CTNNA3: variants seen among roughly 807,000 people sequenced by gnomAD.
CTNNA3 encodes catenin alpha 3, also known as catenin alpha-3.
CTNNA3 carries 76 observed loss-of-function variants against 95.7 expected under a neutral mutation model. The ratio of observed to expected loss-of-function variants is 0.79; its 90% CI spans 0.66 to 0.96. The LOEUF is 0.96. Ranked by LOEUF, CTNNA3 falls within the 40% of genes least tolerant of loss-of-function variation. The pLI, the probability that CTNNA3 is intolerant of heterozygous loss-of-function variation, is 0.00. For missense variants in CTNNA3, 1,191 were observed against 1,089.8 expected, an observed-to-expected ratio of 1.09 and a Z score of -1.31; for synonymous variants, 431 against 374.4, an observed-to-expected ratio of 1.15 and a Z score of -1.74.
At chr10:67,407,343 G>T (rs1258371035) in intron 5 of CTNNA3, among the ~76,000 whole-genome samples, 2 of 152,016 alleles carry the variant, frequency 1.3e-5, no homozygotes, top group Admixed American at 1.3e-4. Context: ...ACAGATGCAG[G>T]AAAGGCCTTT....
intron 11 of CTNNA3, among the ~76,000 whole-genome samples, chr10:66,508,211 T>TTTTTTTTTTTTTTTTTTTTG (rs1491247894): frequency 2.2e-5 from 2 of 91,176 alleles, no homozygotes; most frequent in Non-Finnish European, 4.1e-5. Context: ...TTGTTTTCTG[T>TTTTTTTTTTTTTTTTTTTTG]TTTTTTTTTT....
chr10:66,824,044 C>CT (rs1277110896), intron 7 of CTNNA3, among the ~76,000 whole-genome samples: 5 of 41,828 alleles, frequency 1.2e-4, no homozygotes, highest in African/African-American at 7.5e-4. Context: ...ATATGCCATA[C>CT]TCTTTTTTTT....
intron 5 of CTNNA3, among the ~76,000 whole-genome samples, chr10:67,297,482 A>G (rs758643924): frequency 5.9e-5 from 9 of 152,216 alleles, no homozygotes; most frequent in Non-Finnish European, 8.8e-5. Flanking sequence ...TCCTCCCTGC[A>G]TAGGTTACAC....
intron 13 of CTNNA3, among the ~76,000 whole-genome samples, chr10:66,225,420 T>TATATGA (rs1292280868): frequency 7.2e-6 from 1 of 138,892 alleles, no homozygotes; most frequent in African/African-American, 2.6e-5. Flanking sequence ...TATATATATA[T>TATATGA]ATGAATGAAT....
intron 10 of CTNNA3, among the ~76,000 whole-genome samples, chr10:66,593,025 A>C (rs1843603231): frequency 6.6e-6 from 1 of 152,206 alleles, no homozygotes; most frequent in Non-Finnish European, 1.5e-5. Flanking sequence ...GAATCATGCC[A>C]CTAAGAAATT....
intron 7 of CTNNA3, among the ~76,000 whole-genome samples, chr10:66,910,311 A>G (rs1846167525): frequency 1.3e-5 from 2 of 152,196 alleles, no homozygotes; most frequent in Non-Finnish European, 2.9e-5. Flanking sequence ...TTTAAGCCAG[A>G]TGGTAAATAA....
At chr10:67,610,299 G>A (rs1843416812) in intron 2 of CTNNA3, among the ~76,000 whole-genome samples, 1 of 152,164 alleles carries the variant, frequency 6.6e-6, no homozygotes, top group Non-Finnish European at 1.5e-5. Flanking sequence ...AATGTGAAAA[G>A]AACTTTGTAT....
intron 5 of CTNNA3, among the ~76,000 whole-genome samples, chr10:67,339,194 C>T (rs1273082854): frequency 6.6e-6 from 1 of 152,126 alleles, no homozygotes; most frequent in Non-Finnish European, 1.5e-5. Context: ...TAAATTCTAT[C>T]CCTGAGCAAA....
intron 11 of CTNNA3, among the ~76,000 whole-genome samples, chr10:66,418,641 A>C (rs2093166163): frequency 1.3e-5 from 2 of 151,830 alleles, no homozygotes; most frequent in Admixed American, 1.3e-4. Context: ...ACAAAGTTCA[A>C]GCAAACTGAA....
intron 15 of CTNNA3, among the ~76,000 whole-genome samples, chr10:65,990,346 A>C (rs1465714780): frequency 6.6e-6 from 1 of 150,834 alleles, no homozygotes; most frequent in Non-Finnish European, 1.5e-5. Flanking sequence ...ATTCTCATCA[A>C]CAGTGTATAA....
chr10:67,731,043 T>C (rs981956274), intron 1 of CTNNA3, among the ~76,000 whole-genome samples: 2 of 152,164 alleles, frequency 1.3e-5, no homozygotes, highest in Non-Finnish European at 2.9e-5. Flanking sequence ...TTACATTTCA[T>C]ACTAGCAAGT....
chr10:67,608,109 G>C (rs1480154538), intron 2 of CTNNA3, among the ~76,000 whole-genome samples: 1 of 152,148 alleles, frequency 6.6e-6, no homozygotes, highest in Non-Finnish European at 1.5e-5. Flanking sequence ...CTGTTTGAGA[G>C]GCCAAATGAG....
intron 5 of CTNNA3, among the ~76,000 whole-genome samples, chr10:67,344,713 TTTTA>T (rs1364663258): frequency 1.3e-5 from 2 of 152,088 alleles, no homozygotes. Flanking sequence ...TCATATGTGA[TTTTA>T]TTTATTTGGA....
intron 6 of CTNNA3, among the ~76,000 whole-genome samples, chr10:67,202,172 C>A (rs1279640649): frequency 6.6e-6 from 1 of 151,350 alleles, no homozygotes; most frequent in East Asian, 2.0e-4. Context: ...AAGTTCAATT[C>A]AGTTTCAAAA....
At chr10:66,525,400 G>A (rs1841218953) in intron 10 of CTNNA3, among the ~76,000 whole-genome samples, 1 of 152,096 alleles carries the variant, frequency 6.6e-6, no homozygotes, top group South Asian at 2.1e-4. Flanking sequence ...CCACAATGAG[G>A]TAGGTAGGTG....
At position 67,560,073 on chromosome 10, in the gene CTNNA3, A is replaced by G. The variant is rs535110720; in HGVS notation, c.293-20404T>C. Among the ~76,000 whole-genome samples the G allele has an allele frequency of 7.1e-3, 1,078 of 152,284 alleles. 16 individuals are homozygous for G. The highest frequency in any genetic ancestry group is 0.025 in the African/African-American group (1,029 of 41,546). The stretch of plus-strand genomic sequence containing the variant: ...GTTGGAAAACACTCTGCAGGATATT[A>G]TCCAGGAGAACTTCCCCAATCTAGC... On this transcript the variant is annotated intron_variant, in intron 3 of 17. Coordinates refer to ENST00000433211, the MANE Select transcript of CTNNA3 (RefSeq NM_013266.4).
intron 13 of CTNNA3, among the ~76,000 whole-genome samples, chr10:66,240,512 C>T (rs1344879043): frequency 6.6e-6 from 1 of 151,924 alleles, no homozygotes; most frequent in African/African-American, 2.4e-5. Context: ...TTACCAGATG[C>T]GCTATAGTAC....
intron 10 of CTNNA3, among the ~76,000 whole-genome samples, chr10:66,547,546 G>A (rs1264342133): frequency 1.3e-5 from 2 of 151,458 alleles, no homozygotes; most frequent in South Asian, 4.2e-4. Flanking sequence ...GTTTCACCAT[G>A]TTAGCCAGGA....
chr10:67,364,010 G>A (rs947860101), intron 5 of CTNNA3, among the ~76,000 whole-genome samples: 1 of 152,186 alleles, frequency 6.6e-6, no homozygotes, highest in South Asian at 2.1e-4. Context: ...AAGCCTGGCA[G>A]AGACACAACA....
Sources: gnomAD v4.1 joint callset for allele counts (sites outside exome capture counted in the v4.1 genomes callset) on GRCh38, gnomAD v4.1.1 for gene constraint, MANE v1.5 for transcripts, NCBI Gene and HGNC (gene_info 2026-07-23, HGNC 2026-07-21) for gene names.